Variants in CLEC2B observed in about 807,000 individuals in gnomAD.
CLEC2B encodes C-type lectin domain family 2 member B, also known as C-type (calcium dependent, carbohydrate-recognition domain) lectin, superfamily member 2 (activation-induced).
Under a neutral mutation model 16.2 loss-of-function variants are expected in CLEC2B, and 14 were observed. That is an observed-to-expected ratio of 0.86 (90% CI 0.57 to 1.35). The LOEUF (loss-of-function observed/expected upper bound fraction) is 1.35, where lower values mean the gene tolerates loss of function less well. Ranked by LOEUF, CLEC2B falls within the 40% of genes most tolerant of loss-of-function variation. CLEC2B has a pLI of 0.00. For missense variants in CLEC2B, 166 were observed against 182.3 expected, an observed-to-expected ratio of 0.91 and a Z score of 0.52; for synonymous variants, 42 against 55.8, an observed-to-expected ratio of 0.75 and a Z score of 1.10.
chr12:9,854,181 A>G (rs1867875175), intron 4 of CLEC2B, among the ~76,000 whole-genome samples, 200 bp downstream of exon 4: 3 of 152,214 alleles, frequency 2.0e-5, no homozygotes, highest in African/African-American at 7.2e-5. Flanking sequence ...ATAGCCAACT[A>G]GGAGATCTGT....
chr12:9,867,530 G>A (rs1436879099), intron 1 of CLEC2B, among the ~76,000 whole-genome samples: 1 of 152,032 alleles, frequency 6.6e-6, no homozygotes, highest in Admixed American at 6.6e-5. Context: ...TATTTAGGAG[G>A]CTGTAATTAT....
In CLEC2B at chr12:9,861,686, T is replaced by C. The variant is rs539243872; in HGVS notation, c.73+813A>G. On this transcript the variant is annotated intron_variant, in intron 2 of 4. Coordinates refer to ENST00000228438, the MANE Select transcript of CLEC2B (RefSeq NM_005127.3). ...GTGATACATAGCAGTGAATGCACTA[T>C]ACTAAACATCCGCTAATACAGCCTG... Among the ~76,000 whole-genome samples, 167 of 151,846 alleles carry C rather than the reference T, an allele frequency of 1.1e-3. 2 individuals are homozygous for C. Among genetic ancestry groups the C allele is most frequent in the African/African-American group, 3.6e-3 (150 of 41,206 alleles).
At chr12:9,860,775 A>G (rs1330433778) in intron 2 of CLEC2B, among the ~76,000 whole-genome samples, 1 of 151,924 alleles carries the variant, frequency 6.6e-6, no homozygotes, top group Non-Finnish European at 1.5e-5. Flanking sequence ...AATAGAGTAA[A>G]TTAATGTAAT....
chr12:9,852,728 T>A lies in CLEC2B; in HGVS notation c.*572A>T, dbSNP rs1404541964. On this transcript the variant is annotated 3_prime_UTR_variant, in exon 5 of 5. Transcript: ENST00000228438. The stretch of plus-strand genomic sequence containing the variant: ...TAGCAAACACATACGGTGTGTGATC[T>A]CCTCCTCACCTTCACTCTTAAAGCC... 6.6e-6 allele frequency among the ~76,000 whole-genome samples: 1 copy of A among 152,108 alleles called. No homozygotes were observed. The highest frequency in any genetic ancestry group is 2.4e-5 in the African/African-American group (1 of 41,432).
intron 3 of CLEC2B, chr12:9,857,125 G>C (rs951865594): frequency 5.7e-6 from 1 of 175,640 alleles, no homozygotes; most frequent in East Asian, 1.7e-4. Context: ...TCAGAGCAAA[G>C]TTTCTCTCAG....
chr12:9,866,982 T>C (rs1867975118), intron 1 of CLEC2B: 1 of 152,162 alleles, frequency 6.6e-6, no homozygotes, highest in Admixed American at 6.5e-5. Flanking sequence ...TGGTGGTGTA[T>C]ACAGAGTTGG....
rs1484073071 is a variant in CLEC2B, at chr12:9,853,242, G to A, written c.*58C>T. 5 of 1,318,264 alleles carry A rather than the reference G, an allele frequency of 3.8e-6. No homozygotes were observed. Among genetic ancestry groups the A allele is most frequent in the African/African-American group, 1.4e-5 (1 of 69,046 alleles). The allele number at this position is 1,318,264 out of a possible 1,614,324, so 81.7% of individuals were successfully genotyped here. ...CTTTGTTTAATTAAAAAAGTACTTTGCTGGTTTTACACTTAATAATGTTAT... is the reference window on the plus strand; with the variant it reads ...CTTTGTTTAATTAAAAAAGTACTTTACTGGTTTTACACTTAATAATGTTAT... On this transcript the variant is annotated 3_prime_UTR_variant, in exon 5 of 5. Coordinates refer to ENST00000228438, the MANE Select transcript of CLEC2B (RefSeq NM_005127.3).
Position 9,853,203 on chromosome 12 carries a change from G to A in CLEC2B, c.*97C>T. On this transcript the variant is annotated 3_prime_UTR_variant, in exon 5 of 5. Coordinates refer to ENST00000228438, the MANE Select transcript of CLEC2B (RefSeq NM_005127.3). ...CACGTAAGCAGAATTAACCAGACAG[G>A]TACAAAACTCGAACTTTGTTTAATT... is the stretch of plus-strand genomic sequence containing the variant. 3.2e-6 allele frequency: 3 copies of A among 938,026 alleles called. No individual in the cohort carries two copies. Among genetic ancestry groups the A allele is most frequent in the South Asian group, 1.4e-5 (1 of 69,018 alleles). 58.1% of individuals were successfully genotyped at this position (938,026 alleles called of 1,614,324 possible).
At chr12:9,862,348 A>T in intron 2 of CLEC2B, 151 bp downstream of exon 2, 1 of 673,668 alleles carries the variant, frequency 1.5e-6, no homozygotes, top group Non-Finnish European at 2.2e-6. Context: ...TAGGTCATGT[A>T]ATTAATAAAA....
At chr12:9,867,458 A>G (rs1453709367) in intron 1 of CLEC2B, among the ~76,000 whole-genome samples, 1 of 152,072 alleles carries the variant, frequency 6.6e-6, no homozygotes, top group African/African-American at 2.4e-5. Flanking sequence ...ACTCAGCATA[A>G]GTTGTTTTCA....
chr12:9,868,220 A>G (rs1867986596), intron 1 of CLEC2B, among the ~76,000 whole-genome samples: 1 of 151,530 alleles, frequency 6.6e-6, no homozygotes, highest in Non-Finnish European at 1.5e-5. Context: ...ATTGATTGAA[A>G]GTAGAAAATA....
chr12:9,862,143 T>C (rs1052958679), intron 2 of CLEC2B, among the ~76,000 whole-genome samples: 13 of 152,114 alleles, frequency 8.5e-5, no homozygotes, highest in African/African-American at 2.7e-4. Flanking sequence ...TTATGATACA[T>C]GCAAATTGTA....
At chr12:9,864,903 C>T (rs1310921157) in intron 1 of CLEC2B, among the ~76,000 whole-genome samples, 3 of 152,210 alleles carry the variant, frequency 2.0e-5, no homozygotes, top group East Asian at 1.9e-4. Context: ...AAAGTGCAGG[C>T]CGGGTGCAGT....
At chr12:9,854,809 T>A (rs1867883485) in intron 3 of CLEC2B, 1 of 403,490 alleles carries the variant, frequency 2.5e-6, no homozygotes. Flanking sequence ...CGCACAGCAT[T>A]TCCAATTACC....
At chr12:9,865,088 C>A (rs1867960474) in intron 1 of CLEC2B, among the ~76,000 whole-genome samples, 1 of 147,946 alleles carries the variant, frequency 6.8e-6, no homozygotes, top group South Asian at 2.1e-4. Flanking sequence ...GAGGCTGAGG[C>A]AGGAGAGTCG....
rs372744777 is a variant in CLEC2B at position 9,857,458 on chromosome 12, A to G, written c.237+16T>C. On this transcript the variant is annotated intron_variant, in intron 3 of 4. Transcript: ENST00000228438. ...ACTCAAGAAAATTCACAAAGAATGT[A>G]TATTAAATTACTTACCATTTCTTCT... 49 of 1,573,472 alleles carry G rather than the reference A, an allele frequency of 3.1e-5. No homozygotes were observed. In the African/African-American group the frequency reaches 6.0e-4, roughly 19 times the overall value.
At position 9,865,854 on chromosome 12, in the gene CLEC2B, C is replaced by T. The variant is rs138628222; in HGVS notation, c.-2-3281G>A. 3.7e-3 allele frequency among the ~76,000 whole-genome samples: 560 copies of T among 152,166 alleles called. 2 individuals are homozygous for T. The highest frequency in any genetic ancestry group is 0.013 in the African/African-American group (539 of 41,536). Reference sequence around the variant, plus strand: ...AACTAGAAGTCAATAACTTGAGAAACCTCAGAAACTGCACAAACATGAAAA... The same window carrying T: ...AACTAGAAGTCAATAACTTGAGAAATCTCAGAAACTGCACAAACATGAAAA... On this transcript the variant is annotated intron_variant, in intron 1 of 4. Coordinates refer to ENST00000228438, the MANE Select transcript of CLEC2B (RefSeq NM_005127.3).
At chr12:9,857,407 G>A (rs33873) in intron 3 of CLEC2B, 67 bp downstream of exon 3, 76,642 of 1,174,314 alleles carry the variant, frequency 0.065, 3,116 homozygotes, top group African/African-American at 0.14. Flanking sequence ...AGATTATAAT[G>A]GTGTTTGAAT....
intron 3 of CLEC2B, chr12:9,854,950 C>G (rs1448030338): frequency 6.2e-6 from 1 of 161,326 alleles, no homozygotes; most frequent in East Asian, 1.8e-4. Flanking sequence ...CTCATATATC[C>G]AGTTTCTTTA....
Sources: gnomAD v4.1 joint callset for allele counts (sites outside exome capture counted in the v4.1 genomes callset) on GRCh38, gnomAD v4.1.1 for gene constraint, MANE v1.5 for transcripts, NCBI Gene and HGNC (gene_info 2026-07-23, HGNC 2026-07-21) for gene names.